Variants in ADAMTSL3 observed in about 807,000 individuals in gnomAD.
ADAMTSL3 encodes ADAMTS-like protein 3.
Under a neutral mutation model 201.7 loss-of-function variants are expected in ADAMTSL3, and 128 were observed. The ratio of observed to expected loss-of-function variants is 0.63; its 90% CI spans 0.55 to 0.73. ADAMTSL3 has a LOEUF of 0.73. Ranked by LOEUF, ADAMTSL3 falls within the 30% of genes least tolerant of loss-of-function variation. The pLI is 0.00. For synonymous variants in ADAMTSL3, 738 were observed against 748.4 expected (o/e 0.99, Z 0.23); for missense variants, 1,990 against 2,119.6 (o/e 0.94, Z 1.20).
intron 3 of ADAMTSL3, among the ~76,000 whole-genome samples, chr15:83,705,412 A>G (rs766658159): frequency 6.6e-6 from 1 of 152,174 alleles, no homozygotes; most frequent in Non-Finnish European, 1.5e-5. Flanking sequence ...GCCAAAGGCC[A>G]GTGCATCCTG....
chr15:83,801,449 G>A (rs57092166), intron 4 of ADAMTSL3, among the ~76,000 whole-genome samples: 13,225 of 151,132 alleles, frequency 0.088, 735 homozygotes, highest in East Asian at 0.25. Context: ...GCATGAAATG[G>A]AAATGGAGGA....
At chr15:83,935,188 A>G (rs955153454) in intron 17 of ADAMTSL3, among the ~76,000 whole-genome samples, 1 of 152,226 alleles carries the variant, frequency 6.6e-6, no homozygotes, top group Admixed American at 6.5e-5. Context: ...ACATTTCTAC[A>G]AATTCAATTT....
intron 19 of ADAMTSL3, among the ~76,000 whole-genome samples, chr15:83,948,683 C>G (rs910684746): frequency 1.3e-5 from 2 of 152,002 alleles, no homozygotes; most frequent in African/African-American, 2.4e-5. Context: ...TGGTCTTGAT[C>G]GAAGGTTGTT....
intron 19 of ADAMTSL3, among the ~76,000 whole-genome samples, chr15:83,952,802 C>T (rs1164785904): frequency 7.6e-6 from 1 of 131,898 alleles, no homozygotes; most frequent in African/African-American, 2.7e-5. Flanking sequence ...TAAGATTCCA[C>T]CTCAAAAAAA....
At chr15:84,004,291 A>G (rs2067852329) in intron 23 of ADAMTSL3, among the ~76,000 whole-genome samples, 1 of 152,164 alleles carries the variant, frequency 6.6e-6, no homozygotes, top group Admixed American at 6.5e-5. Context: ...ATTCTGATTT[A>G]ATTCATCGGC....
chr15:83,850,399 T>G (rs2064586616), intron 7 of ADAMTSL3, among the ~76,000 whole-genome samples: 1 of 151,900 alleles, frequency 6.6e-6, no homozygotes, highest in Admixed American at 6.6e-5. Context: ...TAAAAATGTC[T>G]ATGTATATAC....
At chr15:83,896,210 G>A (rs1402085819) in intron 13 of ADAMTSL3, among the ~76,000 whole-genome samples, 1 of 150,722 alleles carries the variant, frequency 6.6e-6, no homozygotes, top group Non-Finnish European at 1.5e-5. Flanking sequence ...TGGGTCGGGA[G>A]GATTCATGAG....
chr15:83,969,271 C>G (rs577489989), intron 19 of ADAMTSL3, among the ~76,000 whole-genome samples: 26 of 152,208 alleles, frequency 1.7e-4, no homozygotes, highest in Middle Eastern at 3.4e-3. Flanking sequence ...TGATAAAACC[C>G]CATCTCTACT....
chr15:83,828,322 C>G (rs2064072528), intron 6 of ADAMTSL3, among the ~76,000 whole-genome samples: 1 of 152,154 alleles, frequency 6.6e-6, no homozygotes, highest in Non-Finnish European at 1.5e-5. Flanking sequence ...ATTTGGCTCT[C>G]TGTTAGTCTG....
rs1003154660 is a variant in ADAMTSL3, at chr15:83,988,887, ATTTT to A, written c.3844+78_3844+81del. 4.2e-3 allele frequency: 3,369 copies of A among 808,812 alleles called. 65 individuals are homozygous for A. Among genetic ancestry groups the A allele is most frequent in the African/African-American group, 0.036 (1,875 of 52,398 alleles). 50.1% of individuals were successfully genotyped at this position (808,812 alleles called of 1,614,324 possible). ...TTTATTTTTATTTATTTATTTATTT[ATTTT>A]TTTTTTTTGAGACAGAGTCTCGCTC... On this transcript the variant is annotated intron_variant, in intron 22 of 29. Coordinates refer to ENST00000286744, the MANE Select transcript of ADAMTSL3 (RefSeq NM_207517.3).
chr15:84,016,327 G>T, intron 24 of ADAMTSL3, 56 bp from the exon 25 acceptor site: 2 of 1,395,250 alleles, frequency 1.4e-6, no homozygotes, highest in South Asian at 1.2e-5. Flanking sequence ...ACCCAAGCTG[G>T]ACCAATAATT....
intron 20 of ADAMTSL3, among the ~76,000 whole-genome samples, chr15:83,972,381 A>T (rs1201045495): frequency 6.6e-6 from 1 of 152,210 alleles, no homozygotes; most frequent in Non-Finnish European, 1.5e-5. Context: ...GCGTACTATC[A>T]TGCTTCGTTC....
At position 83,922,882 on chromosome 15, in the gene ADAMTSL3, C is replaced by T. The variant is rs560263800; in HGVS notation, c.1988-1022C>T. ...ACACATTCTTGCATGAAAATGAATG[C>T]ATTTGCATATTTCAAATAACATAGT... is the stretch of plus-strand genomic sequence containing the variant. On this transcript the variant is annotated intron_variant, in intron 16 of 29. Transcript: ENST00000286744. Among the ~76,000 whole-genome samples, 19 of 152,300 alleles carry T rather than the reference C, an allele frequency of 1.2e-4. No individual in the cohort carries two copies. In the Middle Eastern group the frequency reaches 0.017, roughly 136 times the overall value.
intron 27 of ADAMTSL3, among the ~76,000 whole-genome samples, chr15:84,026,383 T>C (rs1464698075): frequency 6.6e-6 from 1 of 152,230 alleles, no homozygotes; most frequent in African/African-American, 2.4e-5. Context: ...TCTTGAAATT[T>C]ATCTACAAAT....
chr15:83,909,464 C>A (rs1276973649), intron 15 of ADAMTSL3, among the ~76,000 whole-genome samples: 1 of 152,178 alleles, frequency 6.6e-6, no homozygotes, highest in Non-Finnish European at 1.5e-5. Context: ...GGAATCTCTA[C>A]ATGAAGAATC....
intron 7 of ADAMTSL3, among the ~76,000 whole-genome samples, chr15:83,840,948 A>G (rs1298292287): frequency 3.3e-5 from 5 of 152,190 alleles, no homozygotes; most frequent in Non-Finnish European, 4.4e-5. Context: ...GCTTTTGCCT[A>G]CTTGGCTGCA....
intron 2 of ADAMTSL3, among the ~76,000 whole-genome samples, chr15:83,690,401 C>T (rs772134533): frequency 2.6e-5 from 4 of 152,104 alleles, no homozygotes; most frequent in South Asian, 2.1e-4. Flanking sequence ...AGCTACACAC[C>T]GTTCATGCAA....
intron 3 of ADAMTSL3, 115 bp from the exon 4 acceptor site, chr15:83,773,404 CAATT>C (rs886822176): frequency 8.7e-7 from 1 of 1,146,342 alleles, no homozygotes; most frequent in African/African-American, 1.6e-5. Flanking sequence ...AGCTCTGTCT[CAATT>C]AAAAAAAAAA....
chr15:83,974,453 G>C (rs1325532473), intron 20 of ADAMTSL3, among the ~76,000 whole-genome samples: 1 of 152,142 alleles, frequency 6.6e-6, no homozygotes, highest in Non-Finnish European at 1.5e-5. Context: ...TTATTTTTAA[G>C]GTCTTTTTAT....
Sources: gnomAD v4.1 joint callset for allele counts (sites outside exome capture counted in the v4.1 genomes callset) on GRCh38, gnomAD v4.1.1 for gene constraint, MANE v1.5 for transcripts, NCBI Gene and HGNC (gene_info 2026-07-23, HGNC 2026-07-21) for gene names.